DPP10: variants seen among roughly 807,000 people sequenced by gnomAD.
DPP10 encodes the protein dipeptidyl peptidase like 10.
DPP10 carries 33 observed loss-of-function variants against 120.9 expected under a neutral mutation model. The ratio of observed to expected loss-of-function variants is 0.27; its 90% CI spans 0.21 to 0.37. The LOEUF (loss-of-function observed/expected upper bound fraction) is 0.37, where lower values mean the gene tolerates loss of function less well. Ranked by LOEUF, DPP10 falls within the 10% of genes least tolerant of loss-of-function variation. DPP10 has a pLI of 1.00. For missense variants in DPP10, 816 were observed against 942.8 expected (o/e 0.87, Z 1.76); for synonymous variants, 337 against 326.1 (o/e 1.03, Z -0.36).
intron 1 of DPP10, among the ~76,000 whole-genome samples, chr2:115,042,152 A>G (rs1378076025): frequency 6.6e-6 from 1 of 152,106 alleles, no homozygotes; most frequent in Non-Finnish European, 1.5e-5. Flanking sequence ...TAAAATGGAT[A>G]AAACAAAGCC....
At chr2:115,657,372 T>G (rs888603014) in intron 5 of DPP10, among the ~76,000 whole-genome samples, 8 of 151,800 alleles carry the variant, frequency 5.3e-5, no homozygotes, top group Admixed American at 4.6e-4. Context: ...AATATTCATT[T>G]TAGTATGCGA....
chr2:115,137,784 T>A (rs1259380594), intron 1 of DPP10, among the ~76,000 whole-genome samples: 7 of 152,160 alleles, frequency 4.6e-5, no homozygotes, highest in Non-Finnish European at 1.0e-4. Context: ...TGTTGTGATT[T>A]AGAAGTTATA....
intron 1 of DPP10, among the ~76,000 whole-genome samples, chr2:114,985,419 G>T (rs570234200): frequency 6.6e-6 from 1 of 152,062 alleles, no homozygotes; most frequent in African/African-American, 2.4e-5. Flanking sequence ...ATTATCTTGC[G>T]TACTTATTTG....
intron 1 of DPP10, among the ~76,000 whole-genome samples, chr2:115,155,241 A>C (rs1573811645): frequency 6.6e-6 from 1 of 152,296 alleles, no homozygotes; most frequent in South Asian, 2.1e-4. Flanking sequence ...TAGAAACTAA[A>C]GGCATTCAAT....
chr2:114,673,153 G>T (rs1347684424), intron 1 of DPP10, among the ~76,000 whole-genome samples: 1 of 152,136 alleles, frequency 6.6e-6, no homozygotes, highest in South Asian at 2.1e-4. Context: ...ATTACAAATT[G>T]TAAGTTCCTG....
intron 19 of DPP10, among the ~76,000 whole-genome samples, chr2:115,808,811 G>A (rs910687429): frequency 2.0e-5 from 3 of 152,186 alleles, no homozygotes; most frequent in Non-Finnish European, 2.9e-5. Flanking sequence ...AGTACAATTT[G>A]AGAATTTAAT....
At chr2:115,225,699 C>A (rs1378240564) in intron 1 of DPP10, among the ~76,000 whole-genome samples, 1 of 151,604 alleles carries the variant, frequency 6.6e-6, no homozygotes, top group East Asian at 1.9e-4. Context: ...GTAATTATTT[C>A]TCTGTTATAA....
chr2:115,391,411 A>G (rs1258515965), intron 3 of DPP10, among the ~76,000 whole-genome samples: 1 of 152,156 alleles, frequency 6.6e-6, no homozygotes, highest in Non-Finnish European at 1.5e-5. Flanking sequence ...TCAAGGATAT[A>G]TGAGAATACA....
At chr2:114,553,199 G>T (rs1473761851) in intron 1 of DPP10, among the ~76,000 whole-genome samples, 2 of 152,134 alleles carry the variant, frequency 1.3e-5, no homozygotes, top group African/African-American at 2.4e-5. Context: ...CCTTTATGCC[G>T]GTCTGCCTTA....
chr2:114,969,010 T>G (rs1242871083), intron 1 of DPP10, among the ~76,000 whole-genome samples: 1 of 152,208 alleles, frequency 6.6e-6, no homozygotes, highest in East Asian at 1.9e-4. Flanking sequence ...ATGCATTTCA[T>G]TTCATGGGGC....
chr2:115,360,497 A>G (rs1330705626), intron 3 of DPP10, among the ~76,000 whole-genome samples: 3 of 152,200 alleles, frequency 2.0e-5, no homozygotes, highest in Non-Finnish European at 2.9e-5. Flanking sequence ...GCATTTAAGA[A>G]TAAGAGTCAG....
chr2:115,416,477 G>C (rs144224413), intron 3 of DPP10, among the ~76,000 whole-genome samples: 1 of 152,176 alleles, frequency 6.6e-6, no homozygotes, highest in African/African-American at 2.4e-5. Context: ...ACTAAGTCTA[G>C]CCAAAGCAGG....
chr2:115,654,022 T>A (rs1045063677), intron 5 of DPP10, among the ~76,000 whole-genome samples: 11 of 151,966 alleles, frequency 7.2e-5, no homozygotes, highest in African/African-American at 2.6e-4. Context: ...AGAATAAAAA[T>A]TTTAAAATTC....
chr2:114,549,291 C>G (rs563115260), intron 1 of DPP10, among the ~76,000 whole-genome samples: 37 of 152,046 alleles, frequency 2.4e-4, no homozygotes, highest in Non-Finnish European at 4.7e-4. Flanking sequence ...CTCTCAACCC[C>G]GTCTCCAGGT....
intron 1 of DPP10, among the ~76,000 whole-genome samples, chr2:114,507,636 G>A (rs1683791169): frequency 6.6e-6 from 1 of 151,942 alleles, no homozygotes; most frequent in South Asian, 2.1e-4. Context: ...ATTGATACTG[G>A]AATAATTCTT....
chr2:115,286,906 G>A (rs1415207952), intron 1 of DPP10, among the ~76,000 whole-genome samples: 1 of 151,884 alleles, frequency 6.6e-6, no homozygotes, highest in African/African-American at 2.4e-5. Flanking sequence ...CAAAACAGTT[G>A]TGCCATGGCA....
intron 1 of DPP10, among the ~76,000 whole-genome samples, chr2:114,646,065 C>A (rs1463823335): frequency 1.3e-5 from 2 of 151,994 alleles, no homozygotes; most frequent in Non-Finnish European, 2.9e-5. Context: ...GAGGCCGAGG[C>A]AGGAGAATTG....
chr2:115,380,483 T>C (rs1225468415), intron 3 of DPP10, among the ~76,000 whole-genome samples: 1 of 152,212 alleles, frequency 6.6e-6, no homozygotes, highest in African/African-American at 2.4e-5. Flanking sequence ...TACAGCACAC[T>C]GATAGGTCTT....
At chr2:114,619,577 CA>C (rs201019241) in intron 1 of DPP10, among the ~76,000 whole-genome samples, 1,603 of 151,632 alleles carry the variant, frequency 0.011, 40 homozygotes, top group African/African-American at 0.037. Context: ...AAGGATTTTC[CA>C]AAAAATTGCT....
Sources: allele counts gnomAD v4.1 joint callset (sites outside exome capture counted in the v4.1 genomes callset), GRCh38; gene constraint gnomAD v4.1.1; transcripts MANE v1.5; gene names NCBI Gene and HGNC (gene_info 2026-07-23, HGNC 2026-07-21).